The following P4HA3 variants were observed in gnomAD, a reference collection of about 807,000 sequenced individuals.
P4HA3 encodes the protein prolyl 4-hydroxylase subunit alpha-3.
In P4HA3, 60 loss-of-function variants were observed where a neutral mutation model predicts 66.7. That is an observed-to-expected ratio of 0.90 (90% CI 0.73 to 1.12). P4HA3 has a LOEUF of 1.12. P4HA3 is among the 50% of genes most tolerant of loss of function. P4HA3 has a pLI of 0.00. For synonymous variants in P4HA3, 263 were observed against 274.6 expected (o/e 0.96, Z 0.42); for missense variants, 683 against 685.8 (o/e 1.00, Z 0.05).
intron 7 of P4HA3, 139 bp downstream of exon 7, chr11:74,285,670 G>A: frequency 1.1e-6 from 1 of 910,858 alleles, no homozygotes; most frequent in South Asian, 1.7e-5. Flanking sequence ...CCATGGACTA[G>A]TTTTATGGAA....
At position 74,307,762 on chromosome 11, in the gene P4HA3, C is replaced by T. The variant is rs568612010; in HGVS notation, c.201-3350G>A. Among the ~76,000 whole-genome samples, 3 of 152,328 alleles carry T rather than the reference C, an allele frequency of 2.0e-5. No homozygotes were observed. In the East Asian group the frequency reaches 5.8e-4, roughly 29 times the overall value. Reference sequence around the variant, plus strand: ...CTGCACATAAAATTTGCAACCCAATCCCTGCATTAAACATAGCCTGGGCAG... The same window carrying T: ...CTGCACATAAAATTTGCAACCCAATTCCTGCATTAAACATAGCCTGGGCAG... On this transcript the variant is annotated intron_variant, in intron 1 of 12. Transcript: ENST00000331597.
In P4HA3 at chr11:74,251,178, C is replaced by A; in HGVS notation, c.*1319-3177G>T. The A allele has an allele frequency of 4.1e-6, 6 of 1,462,662 alleles. No individual in the cohort carries two copies. In the South Asian group the frequency reaches 8.5e-5, roughly 21 times the overall value. 90.6% of individuals were successfully genotyped at this position (1,462,662 alleles called of 1,614,324 possible). A position where few individuals can be genotyped will look rare whatever the true frequency, so the allele number is the denominator to read the frequency against. ...CAGCTCTCCAACTTCTCCCTGGCAG[C>A]TGCTTATGGTATTGGTTTTGTGTAT... On this transcript the variant is annotated intron_variant and NMD_transcript_variant, in intron 15 of 15. Transcript: ENST00000524388.
In P4HA3 at chr11:74,289,117, G is replaced by C; in HGVS notation, c.731C>G (p.Ser244Trp). ...CTCCCGAGAGAGGCTGAGGGCACAC[G>C]AAACATTTCCTGCCTGTTAAAAAAA... The part of the protein sequence containing the change: ...AFAYFRAGNV[S>W]CALSLSREFL... The change falls in exon 5 of 13, where the codon TCG (serine) becomes TGG (tryptophan). Residue 244 changes from serine to tryptophan, a missense_variant. Coordinates refer to ENST00000331597, the MANE Select transcript of P4HA3 (RefSeq NM_182904.5). 6.4e-7 allele frequency: 1 copy of C among 1,567,258 alleles called. No individual in the cohort carries two copies. Among genetic ancestry groups the C allele is most frequent in the South Asian group, 1.2e-5 (1 of 84,206 alleles).
Position 74,266,865 on chromosome 11 carries a change from G to T in P4HA3, c.*383C>A. The T allele has an allele frequency of 4.2e-6, 3 of 717,400 alleles. No homozygotes were observed. The highest frequency in any genetic ancestry group is 6.7e-6 in the Non-Finnish European group (3 of 448,778). The allele number at this position is 717,400 out of a possible 1,614,324, so 44.4% of individuals were successfully genotyped here. ...GGGAGTCAGGCTAGCCCCTCCTGCA[G>T]GTGTCCTCATTGCCACTTCTTGGTC... is the stretch of plus-strand genomic sequence containing the variant. On this transcript the variant is annotated 3_prime_UTR_variant, in exon 13 of 13. Transcript: ENST00000331597.
intron 8 of P4HA3, among the ~76,000 whole-genome samples, chr11:74,277,985 G>A (rs951855820): frequency 2.0e-5 from 3 of 152,186 alleles, no homozygotes; most frequent in African/African-American, 7.2e-5. Context: ...CATGCTCTTA[G>A]GTTACAGAGA....
At chr11:74,251,348 C>T (rs1859654890) in intron 15 of P4HA3, 6 of 1,355,084 alleles carry the variant, frequency 4.4e-6, no homozygotes, top group Non-Finnish European at 5.7e-6. Flanking sequence ...ACCACAGGCA[C>T]AGTTAGGAAT....
chr11:74,253,351 C>G, intron 15 of P4HA3: 1 of 822,654 alleles, frequency 1.2e-6, no homozygotes, highest in South Asian at 1.6e-5. Context: ...CTGGGTCCAG[C>G]TCTGGTCAGG....
chr11:74,267,413 G>A, intron 12 of P4HA3, 95 bp from the exon 13 acceptor site: 1 of 1,449,324 alleles, frequency 6.9e-7, no homozygotes, highest in Non-Finnish European at 9.3e-7. Context: ...GCGTGTGAGT[G>A]CCCCCTTAAA....
At chr11:74,264,685 C>T (rs1174915228), downstream of P4HA3, among the ~76,000 whole-genome samples, 1 of 152,208 alleles carries the variant, frequency 6.6e-6, no homozygotes, top group Non-Finnish European at 1.5e-5. Context: ...TCCCAAGGCT[C>T]CCCTACCTCT....
At chr11:74,284,342 A>G (rs1338276824) in intron 7 of P4HA3, among the ~76,000 whole-genome samples, 1 of 152,148 alleles carries the variant, frequency 6.6e-6, no homozygotes, top group East Asian at 1.9e-4. Context: ...CCAGTGAAAC[A>G]TGGGTGGAAG....
intron 15 of P4HA3, chr11:74,250,846 A>G (rs1195421414): frequency 1.5e-5 from 13 of 856,720 alleles, no homozygotes; most frequent in Non-Finnish European, 2.5e-5. Context: ...TATTGAGGTG[A>G]GGTTGGAAAT....
chr11:74,279,345 C>T (rs370359838), intron 8 of P4HA3, 43 bp downstream of exon 8: 41 of 1,587,202 alleles, frequency 2.6e-5, no homozygotes, highest in South Asian at 7.7e-5. Flanking sequence ...TGCTACGGCC[C>T]GAGGGTGGGC....
rs556281726 is a variant in P4HA3, at chr11:74,311,628, C to T, written c.-17G>A. On this transcript the variant is annotated 5_prime_UTR_variant, in exon 1 of 13. Transcript: ENST00000331597. ...AGGACCCATAGCCAGCGCTCGCGAA[C>T]TTCCCCTCAGACAGTCCTGGCCGCG... The T allele has an allele frequency of 2.2e-5, 32 of 1,483,632 alleles. No homozygotes were observed. The highest frequency in any genetic ancestry group is 4.8e-5 in the Admixed American group (2 of 41,516). The allele number at this position is 1,483,632 out of a possible 1,614,324, so 91.9% of individuals were successfully genotyped here.
At chr11:74,289,379 T>C (rs73550755) in intron 4 of P4HA3, among the ~76,000 whole-genome samples, 7,682 of 152,074 alleles carry the variant, frequency 0.051, 494 homozygotes, top group African/African-American at 0.15. Flanking sequence ...GGAAAATAAA[T>C]GAAAATAAAC....
At chr11:74,269,929 G>A (rs1019459363) in intron 10 of P4HA3, among the ~76,000 whole-genome samples, 1 of 152,186 alleles carries the variant, frequency 6.6e-6, no homozygotes, top group Admixed American at 6.5e-5. Context: ...AGAGGACAAT[G>A]TTTTGGTATT....
At chr11:74,284,734 G>A (rs79678892) in intron 7 of P4HA3, among the ~76,000 whole-genome samples, 6,285 of 152,174 alleles carry the variant, frequency 0.041, 191 homozygotes, top group South Asian at 0.13. Context: ...TGGGGCTGCT[G>A]ATGCCTGTCT....
intron 2 of P4HA3, among the ~76,000 whole-genome samples, chr11:74,303,709 T>G (rs1322059606): frequency 6.6e-6 from 1 of 151,792 alleles, no homozygotes; most frequent in Non-Finnish European, 1.5e-5. Flanking sequence ...AGCTCCCGAG[T>G]AGCTGGGATT....
At chr11:74,251,346 C>A in intron 15 of P4HA3, 1 of 1,355,318 alleles carries the variant, frequency 7.4e-7, no homozygotes, top group East Asian at 2.7e-5. Flanking sequence ...AAACCACAGG[C>A]ACAGTTAGGA....
In P4HA3 at chr11:74,286,351, A is replaced by G; in HGVS notation, c.810T>C (p.Tyr270=). The change falls in exon 6 of 13, where the codon TAT becomes TAC. Residue 270 remains tyrosine, a synonymous_variant. Transcript: ENST00000331597. The part of the protein sequence containing the change: ...NKRMARNVLK[Y]ERLLAESPNH... ...TGGGGCTCTCTGCCAAGAGCCTTTC[A>G]TATTTCAAGACATTCCTGGCCATCC... 1.3e-6 allele frequency: 2 copies of G among 1,582,568 alleles called. No individual in the cohort carries two copies. Among genetic ancestry groups the G allele is most frequent in the East Asian group, 2.3e-5 (1 of 44,304 alleles).
Sources: allele counts gnomAD v4.1 joint callset (sites outside exome capture counted in the v4.1 genomes callset), GRCh38; gene constraint gnomAD v4.1.1; transcripts MANE v1.5; gene names NCBI Gene and HGNC (gene_info 2026-07-23, HGNC 2026-07-21).